The following SLC25A18 variants were observed in gnomAD, a reference collection of about 807,000 sequenced individuals.
SLC25A18 encodes the protein mitochondrial glutamate carrier 2.
Under a neutral mutation model 31.1 loss-of-function variants are expected in SLC25A18, and 24 were observed. That is an observed-to-expected ratio of 0.77 (90% CI 0.56 to 1.08). SLC25A18 has a LOEUF of 1.08. Among genes scored for constraint, SLC25A18 ranks in the 50% least tolerant of loss-of-function variants. The pLI, the probability that SLC25A18 is intolerant of heterozygous loss-of-function variation, is 0.00. For synonymous variants in SLC25A18, 173 were observed against 161.9 expected (o/e 1.07, Z -0.52); for missense variants, 371 against 418.5 (o/e 0.89, Z 0.99).
chr22:17,578,100 T>C (rs2057280549), intron 2 of SLC25A18, among the ~76,000 whole-genome samples: 1 of 151,524 alleles, frequency 6.6e-6, no homozygotes, highest in Non-Finnish European at 1.5e-5. Flanking sequence ...TCCTCCCATC[T>C]CAGCCTCCTG....
Position 17,587,915 on chromosome 22 carries a change from T to C in SLC25A18, c.576-10T>C. The C allele has an allele frequency of 6.2e-7, 1 of 1,614,000 alleles. No homozygotes were observed. The highest frequency in any genetic ancestry group is 8.5e-7 in the Non-Finnish European group (1 of 1,179,916). Reference sequence around the variant, plus strand: ...CTCGGAGCTCAGTGTTTCTCCTTCCTCTTCTGCAGAGACATTCCTTTCTCC... The same window carrying C: ...CTCGGAGCTCAGTGTTTCTCCTTCCCCTTCTGCAGAGACATTCCTTTCTCC... On this transcript the variant is annotated splice_polypyrimidine_tract_variant and intron_variant, in intron 8 of 10. Coordinates refer to ENST00000327451, the MANE Select transcript of SLC25A18 (RefSeq NM_031481.3).
intron 1 of SLC25A18, among the ~76,000 whole-genome samples, chr22:17,567,980 GCTGT>G (rs1307184074): frequency 6.6e-6 from 1 of 151,096 alleles, no homozygotes; most frequent in East Asian, 2.0e-4. Context: ...CTACTTTATT[GCTGT>G]CTGGTTTTTT....
At chr22:17,570,683 A>T (rs1049043636) in intron 2 of SLC25A18, among the ~76,000 whole-genome samples, 6 of 152,128 alleles carry the variant, frequency 3.9e-5, no homozygotes, top group African/African-American at 1.4e-4. Context: ...ATGGGGCTTC[A>T]GCATGTTGGC....
chr22:17,587,379 G>C (rs955776914), intron 8 of SLC25A18, 78 bp downstream of exon 8: 2 of 1,492,248 alleles, frequency 1.3e-6, no homozygotes, highest in African/African-American at 2.8e-5. Context: ...GTCCCTATCT[G>C]CCTCTGTGTC....
At chr22:17,572,500 GAA>G (rs1203786113) in intron 2 of SLC25A18, among the ~76,000 whole-genome samples, 12 of 101,488 alleles carry the variant, frequency 1.2e-4, no homozygotes, top group Admixed American at 2.8e-4. Flanking sequence ...AAAAAAAAAA[GAA>G]TCACTTTTCC....
Position 17,583,476 on chromosome 22 carries a change from C to A in SLC25A18, c.351C>A (p.Val117=). The change falls in exon 7 of 11, where the codon GTC becomes GTA. Residue 117 remains valine, a synonymous_variant. Transcript: ENST00000327451. ...LAGCGAGMCQ[V]VVTCPMEMLK... is the part of the protein sequence containing the mutation. The stretch of plus-strand genomic sequence containing the variant: ...GGTGTGGGGCTGGGATGTGCCAGGT[C>A]GTGGTGACCTGTCCCATGGAAATGC... 1 of 1,614,030 alleles carries A rather than the reference C, an allele frequency of 6.2e-7. No homozygotes were observed. Among genetic ancestry groups the A allele is most frequent in the Non-Finnish European group, 8.5e-7 (1 of 1,180,006 alleles).
chr22:17,589,497 G>T, intron 9 of SLC25A18, 93 bp from the exon 10 acceptor site: 2 of 1,129,170 alleles, frequency 1.8e-6, no homozygotes, highest in Non-Finnish European at 2.6e-6. Flanking sequence ...TTTATATGTG[G>T]TGGCTCTACA....
At chr22:17,569,259 C>T (rs1055567907) in intron 1 of SLC25A18, among the ~76,000 whole-genome samples, 1 of 152,134 alleles carries the variant, frequency 6.6e-6, no homozygotes. Context: ...CCGCCCGCCT[C>T]GGCCTCCCAA....
At chr22:17,568,160 C>T (rs2056985565) in intron 1 of SLC25A18, among the ~76,000 whole-genome samples, 1 of 151,780 alleles carries the variant, frequency 6.6e-6, no homozygotes, top group East Asian at 1.9e-4. Context: ...GTCAGGAGAT[C>T]AAGACCATCC....
intron 8 of SLC25A18, 138 bp from the exon 9 acceptor site, chr22:17,587,787 G>A (rs938479480): frequency 2.5e-4 from 267 of 1,048,730 alleles, no homozygotes; most frequent in Non-Finnish European, 3.1e-4. Flanking sequence ...CCACGCTCAC[G>A]GGGCACAAAA....
chr22:17,579,271 G>T (rs961224692), intron 2 of SLC25A18, among the ~76,000 whole-genome samples: 1 of 152,004 alleles, frequency 6.6e-6, no homozygotes, highest in African/African-American at 2.4e-5. Flanking sequence ...ATTTTTAGTA[G>T]AGATGGAGTT....
At chr22:17,571,121 G>A (rs762501620) in intron 2 of SLC25A18, among the ~76,000 whole-genome samples, 23 of 152,324 alleles carry the variant, frequency 1.5e-4, no homozygotes, top group Non-Finnish European at 3.4e-4. Flanking sequence ...CAGGTTGTGC[G>A]GGAGTGGGAG....
intron 9 of SLC25A18, chr22:17,589,069 C>T (rs1387229588): frequency 6.6e-6 from 1 of 152,450 alleles, no homozygotes; most frequent in African/African-American, 2.4e-5. Flanking sequence ...CTCAACAAAA[C>T]CAAACAAAGC....
At chr22:17,568,366 C>CA (rs778315853) in intron 1 of SLC25A18, among the ~76,000 whole-genome samples, 3,948 of 67,432 alleles carry the variant, frequency 0.059, 176 homozygotes, top group African/African-American at 0.14. Flanking sequence ...GACTCCATCT[C>CA]AAAAAAAAAA....
chr22:17,585,805 C>T lies in SLC25A18; in HGVS notation c.410-1331C>T, dbSNP rs376794167. 5.5e-4 allele frequency among the ~76,000 whole-genome samples: 83 copies of T among 151,718 alleles called. 1 individual carries two copies. Among genetic ancestry groups the T allele is most frequent in the African/African-American group, 1.8e-3 (76 of 41,296 alleles). ...CTGGGATTACAAGCATGCACTACCA[C>T]GTCCAGCTAATTTTTTTTTGTATTT... is the stretch of plus-strand genomic sequence containing the variant. On this transcript the variant is annotated intron_variant, in intron 7 of 10. Coordinates refer to ENST00000327451, the MANE Select transcript of SLC25A18 (RefSeq NM_031481.3).
intron 7 of SLC25A18, among the ~76,000 whole-genome samples, chr22:17,584,781 CAA>C (rs66948770): frequency 5.0e-4 from 10 of 20,056 alleles, no homozygotes; most frequent in South Asian, 3.3e-3. Context: ...GAATTCATCT[CAA>C]AAAAAAAAAA....
intron 1 of SLC25A18, chr22:17,569,712 C>A (rs776243175): frequency 1.3e-4 from 131 of 985,302 alleles, no homozygotes; most frequent in Non-Finnish European, 1.5e-4. Flanking sequence ...TAAACAGCAA[C>A]CTACTTGCCA....
chr22:17,573,901 G>C (rs1429631111), intron 2 of SLC25A18, among the ~76,000 whole-genome samples: 1 of 152,116 alleles, frequency 6.6e-6, no homozygotes, highest in Admixed American at 6.6e-5. Context: ...CATTCTTCCA[G>C]AATAACTGTC....
At chr22:17,564,443 G>T (rs188703797) in intron 1 of SLC25A18, among the ~76,000 whole-genome samples, 68 of 152,244 alleles carry the variant, frequency 4.5e-4, no homozygotes, top group Admixed American at 3.3e-3. Flanking sequence ...CTGGAAGAAT[G>T]GCCCTGGCAT....
Sources: gnomAD v4.1 joint callset for allele counts (sites outside exome capture counted in the v4.1 genomes callset) on GRCh38, gnomAD v4.1.1 for gene constraint, MANE v1.5 for transcripts, NCBI Gene and HGNC (gene_info 2026-07-23, HGNC 2026-07-21) for gene names.